The following NBAS variants were observed in gnomAD, a reference collection of about 807,000 sequenced individuals.
NBAS encodes the protein NAG/BC035112 fusion.
In NBAS, 219 loss-of-function variants were observed where a neutral mutation model predicts 302.5. That is an observed-to-expected ratio of 0.72 (90% CI 0.65 to 0.81). The LOEUF (loss-of-function observed/expected upper bound fraction) is 0.81. Ranked by LOEUF, NBAS falls within the 30% of genes least tolerant of loss-of-function variation. The pLI, the probability that NBAS is intolerant of heterozygous loss-of-function variation, is 0.00. For missense variants in NBAS, 2,932 were observed against 2,841.6 expected (o/e 1.03, Z -0.72); for synonymous variants, 1,118 against 1,021.6 (o/e 1.09, Z -1.80).
chr2:14,848,068 G>T, the NBAS span, among the ~76,000 whole-genome samples: 2 of 152,284 alleles, frequency 1.3e-5, no homozygotes, highest in South Asian at 2.1e-4. Flanking sequence ...AAATTGAGGG[G>T]GAGGAGCCAA....
chr2:15,281,248 T>C (rs554480357), intron 42 of NBAS, among the ~76,000 whole-genome samples: 1 of 152,358 alleles, frequency 6.6e-6, no homozygotes, highest in South Asian at 2.1e-4. Flanking sequence ...TAATTTCTCA[T>C]AGAATGTCAA....
the NBAS span, among the ~76,000 whole-genome samples, chr2:14,983,738 A>C: frequency 6.6e-6 from 1 of 152,354 alleles, no homozygotes; most frequent in Admixed American, 6.5e-5. Flanking sequence ...GGGATAGAAG[A>C]AAGTACTCCA....
At chr2:14,872,443 C>A in the NBAS span, among the ~76,000 whole-genome samples, 1 of 152,096 alleles carries the variant, frequency 6.6e-6, no homozygotes, top group African/African-American at 2.4e-5. Flanking sequence ...ACCTCTGCCT[C>A]CTGGGTTCCA....
Position 15,379,789 on chromosome 2 carries a change from T to A in NBAS, c.3403A>T (p.Ile1135Phe). The A allele has an allele frequency of 6.2e-7, 1 of 1,614,058 alleles. No homozygotes were observed. Among genetic ancestry groups the A allele is most frequent in the Non-Finnish European group, 8.5e-7 (1 of 1,179,978 alleles). ...SLLCSSRLEN[I>F]HLAGQMMHCS... ...TGCATCATCTGTCCAGCCAGGTGGA[T>A]GTTTTCAAGGCGACTAGAGCACAGA... The change falls in exon 30 of 52, where the codon ATC (isoleucine) becomes TTC (phenylalanine). Residue 1135 changes from isoleucine (I) to phenylalanine (F), a missense_variant. Coordinates refer to ENST00000281513, the MANE Select transcript of NBAS (RefSeq NM_015909.4).
At chr2:14,973,216 C>A in the NBAS span, among the ~76,000 whole-genome samples, 1 of 152,252 alleles carries the variant, frequency 6.6e-6, no homozygotes, top group East Asian at 1.9e-4. Context: ...TGGGCTAGAA[C>A]CTTCCTAAGG....
At chr2:15,193,907 G>A (rs1238902332) in intron 48 of NBAS, among the ~76,000 whole-genome samples, 6 of 151,946 alleles carry the variant, frequency 3.9e-5, no homozygotes, top group African/African-American at 1.5e-4. Context: ...GACAGTGAAG[G>A]GAAAATTCTG....
intron 35 of NBAS, among the ~76,000 whole-genome samples, chr2:15,348,278 T>C (rs1673186059): frequency 6.6e-6 from 1 of 152,178 alleles, no homozygotes; most frequent in Non-Finnish European, 1.5e-5. Flanking sequence ...GGAAAGCTTT[T>C]AAGAGGCTTA....
At chr2:15,474,854 C>T (rs1344354278) in intron 14 of NBAS, among the ~76,000 whole-genome samples, 1 of 152,144 alleles carries the variant, frequency 6.6e-6, no homozygotes, top group African/African-American at 2.4e-5. Flanking sequence ...AGCCACTGAG[C>T]CCAGCCTAAA....
the NBAS span, among the ~76,000 whole-genome samples, chr2:14,779,462 C>G: frequency 6.6e-6 from 1 of 152,146 alleles, no homozygotes; most frequent in African/African-American, 2.4e-5. Flanking sequence ...ACCTTGCTGA[C>G]CTCATTTCCT....
the NBAS span, among the ~76,000 whole-genome samples, chr2:14,939,226 A>G: frequency 3.3e-5 from 5 of 152,244 alleles, no homozygotes; most frequent in Non-Finnish European, 7.3e-5. Context: ...AGACCATGAC[A>G]GTTGAGTTTC....
At chr2:15,215,658 T>C (rs2147875303) in intron 48 of NBAS, among the ~76,000 whole-genome samples, 1 of 152,320 alleles carries the variant, frequency 6.6e-6, no homozygotes, top group Middle Eastern at 3.4e-3. Context: ...CTTGGGGATC[T>C]TCTAGGTGTT....
At chr2:15,455,548 C>T (rs1422449957) in intron 21 of NBAS, among the ~76,000 whole-genome samples, 1 of 151,658 alleles carries the variant, frequency 6.6e-6, no homozygotes, top group Non-Finnish European at 1.5e-5. Flanking sequence ...CACATAAGAC[C>T]AAGGCTTCAG....
chr2:15,054,531 G>T, the NBAS span, among the ~76,000 whole-genome samples: 1 of 152,164 alleles, frequency 6.6e-6, no homozygotes, highest in South Asian at 2.1e-4. Flanking sequence ...TAAATAACTT[G>T]TGTATGCAGA....
the NBAS span, among the ~76,000 whole-genome samples, chr2:14,927,296 C>T: frequency 6.6e-6 from 1 of 152,330 alleles, no homozygotes; most frequent in Middle Eastern, 3.4e-3. Context: ...TCTGGAGAAT[C>T]CTGACTAATC....
the NBAS span, among the ~76,000 whole-genome samples, chr2:15,030,157 C>T: frequency 6.6e-6 from 1 of 152,068 alleles, no homozygotes; most frequent in Non-Finnish European, 1.5e-5. Context: ...AAATCATCTT[C>T]TGGGAAAGTG....
At chr2:15,207,819 A>G (rs1666217162) in intron 48 of NBAS, among the ~76,000 whole-genome samples, 1 of 152,116 alleles carries the variant, frequency 6.6e-6, no homozygotes, top group Non-Finnish European at 1.5e-5. Flanking sequence ...GAGTTAATTA[A>G]ACCTCTTTTC....
At chr2:15,492,624 C>T (rs1455073166) in intron 11 of NBAS, among the ~76,000 whole-genome samples, 1 of 152,002 alleles carries the variant, frequency 6.6e-6, no homozygotes, top group Non-Finnish European at 1.5e-5. Flanking sequence ...GCCTGGCTAA[C>T]TTTTGTATTT....
chr2:15,498,104 A>G (rs1181965194), intron 11 of NBAS, among the ~76,000 whole-genome samples: 2 of 152,218 alleles, frequency 1.3e-5, no homozygotes, highest in East Asian at 1.9e-4. Flanking sequence ...TACTGAGTGT[A>G]TAAAGTACAT....
the NBAS span, among the ~76,000 whole-genome samples, chr2:14,836,569 T>C: frequency 6.6e-6 from 1 of 151,974 alleles, no homozygotes; most frequent in African/African-American, 2.4e-5. Flanking sequence ...CTGCATTCCA[T>C]ATTCTATTAC....
Sources: allele counts gnomAD v4.1 joint callset (sites outside exome capture counted in the v4.1 genomes callset), GRCh38; gene constraint gnomAD v4.1.1; transcripts MANE v1.5; gene names NCBI Gene and HGNC (gene_info 2026-07-23, HGNC 2026-07-21).